The following PAK2 variants were observed in gnomAD, a reference collection of about 807,000 sequenced individuals.
PAK2 encodes the protein serine/threonine-protein kinase PAK 2.
PAK2 carries 21 observed loss-of-function variants against 65.9 expected under a neutral mutation model. That is an observed-to-expected ratio of 0.32 (90% CI 0.23 to 0.46). The LOEUF is 0.46. Among genes scored for constraint, PAK2 ranks in the 20% least tolerant of loss-of-function variants. The probability of loss-of-function intolerance (pLI) is 1.00; values close to 1 mark genes in which losing one functional copy is unlikely to be tolerated. For missense variants in PAK2, 324 were observed against 642.6 expected, an observed-to-expected ratio of 0.50 and a Z score of 5.36; for synonymous variants, 204 against 219.7, an observed-to-expected ratio of 0.93 and a Z score of 0.63.
At chr3:196,757,509 ATTC>A (rs995576023) in intron 1 of PAK2, among the ~76,000 whole-genome samples, 5 of 152,136 alleles carry the variant, frequency 3.3e-5, no homozygotes, top group East Asian at 1.9e-4. Context: ...ACTTAGGCTT[ATTC>A]TTCTTTTCTT....
intron 1 of PAK2, among the ~76,000 whole-genome samples, chr3:196,761,768 G>A (rs1361894619): frequency 1.4e-5 from 2 of 148,134 alleles, no homozygotes; most frequent in African/African-American, 2.5e-5. Flanking sequence ...CGGACGGGGC[G>A]GCTGGCCGGG....
At chr3:196,788,277 A>G (rs544824278) in intron 2 of PAK2, among the ~76,000 whole-genome samples, 1 of 152,338 alleles carries the variant, frequency 6.6e-6, no homozygotes, top group East Asian at 1.9e-4. Context: ...AATGACCTTA[A>G]GACTTTTGCC....
chr3:196,780,285 G>C (rs1405911234), intron 1 of PAK2, among the ~76,000 whole-genome samples: 1 of 152,150 alleles, frequency 6.6e-6, no homozygotes, highest in African/African-American at 2.4e-5. Context: ...CTGTTTTCAT[G>C]CTGCTGATAA....
chr3:196,802,594 C>T (rs1314399630), intron 3 of PAK2, among the ~76,000 whole-genome samples: 1 of 152,128 alleles, frequency 6.6e-6, no homozygotes, highest in Admixed American at 6.5e-5. Context: ...TGTGTAATCC[C>T]AGCACTTTGG....
rs1713555026 is a variant in PAK2, at chr3:196,750,830, C to T, written c.-22+10673C>T. Reference sequence around the variant, plus strand: ...TATGTTTCTGTTATTTTATTTAATGCTTTCTGTTTTTTAATGATTAATTGT... The same window carrying T: ...TATGTTTCTGTTATTTTATTTAATGTTTTCTGTTTTTTAATGATTAATTGT... On this transcript the variant is annotated intron_variant, in intron 1 of 14. Transcript: ENST00000327134. 2.0e-5 allele frequency among the ~76,000 whole-genome samples: 3 copies of T among 148,070 alleles called. No individual in the cohort carries two copies. The South Asian group carries it at 6.3e-4, about 31-fold the overall frequency.
At chr3:196,749,925 G>C (rs1358231064) in intron 1 of PAK2, among the ~76,000 whole-genome samples, 1 of 151,618 alleles carries the variant, frequency 6.6e-6, no homozygotes. Flanking sequence ...AGGCTGAAGC[G>C]ATCTTCTCAC....
chr3:196,781,040 G>A (rs1714694189), intron 1 of PAK2, among the ~76,000 whole-genome samples: 1 of 152,098 alleles, frequency 6.6e-6, no homozygotes, highest in South Asian at 2.1e-4. Flanking sequence ...CACCCGCCTC[G>A]GCCTCCCAAA....
intron 2 of PAK2, among the ~76,000 whole-genome samples, chr3:196,793,084 G>A (rs1028575595): frequency 1.2e-4 from 18 of 152,100 alleles, no homozygotes; most frequent in Non-Finnish European, 2.2e-4. Flanking sequence ...GAGGAGAAGG[G>A]GGATTAGTTG....
chr3:196,806,608 A>C lies in PAK2; in HGVS notation c.498A>C (p.Ala166=). The C allele has an allele frequency of 6.2e-7, 1 of 1,612,786 alleles. No individual in the cohort carries two copies. The highest frequency in any genetic ancestry group is 2.2e-5 in the East Asian group (1 of 44,872). ...ALNAKGTEAP[A]VVTEEEDDDE... is the part of the protein sequence containing the mutation. ...ATGCCAAGGGAACAGAAGCACCCGC[A>C]GTAGTGACAGAGGAGGAGGATGATG... Residue 166 remains alanine, a synonymous_variant, in exon 6 of 15, where the codon GCA becomes GCC. Coordinates refer to ENST00000327134, the MANE Select transcript of PAK2 (RefSeq NM_002577.4).
At chr3:196,750,947 G>A (rs1030234607) in intron 1 of PAK2, among the ~76,000 whole-genome samples, 3 of 151,824 alleles carry the variant, frequency 2.0e-5, no homozygotes, top group Non-Finnish European at 4.4e-5. Context: ...AAGTACTCAC[G>A]TTGTGGTACA....
intron 13 of PAK2, among the ~76,000 whole-genome samples, 156 bp from the exon 14 acceptor site, chr3:196,827,040 A>T (rs1388176392): frequency 2.0e-5 from 3 of 152,238 alleles, no homozygotes; most frequent in Non-Finnish European, 4.4e-5. Context: ...ATAAGAGGAA[A>T]GTATCAAATC....
intron 1 of PAK2, among the ~76,000 whole-genome samples, chr3:196,746,962 G>A (rs1713404399): frequency 6.6e-6 from 1 of 151,706 alleles, no homozygotes; most frequent in Non-Finnish European, 1.5e-5. Flanking sequence ...TTACTATATA[G>A]GTGTGTATAA....
At chr3:196,772,182 G>A (rs1714381204) in intron 1 of PAK2, among the ~76,000 whole-genome samples, 1 of 152,124 alleles carries the variant, frequency 6.6e-6, no homozygotes, top group Non-Finnish European at 1.5e-5. Context: ...ATTCCTGATT[G>A]GTTGTTATGT....
At chr3:196,815,294 C>G (rs931727622) in intron 11 of PAK2, among the ~76,000 whole-genome samples, 4 of 151,368 alleles carry the variant, frequency 2.6e-5, no homozygotes, top group South Asian at 2.1e-4. Context: ...AGTTTTGAGA[C>G]CAGCCTGGGA....
rs1715634826 is a variant in PAK2 at position 196,807,825 on chromosome 3, G to A, written c.620G>A (p.Gly207Asp). The change falls in exon 7 of 15, where the codon GGT (glycine) becomes GAT (aspartate). Residue 207 changes from glycine (G) to aspartate (D), a missense_variant. This residue lies in a region of PAK2 where 183 missense variants were observed against 246.2 expected (regional missense o/e 0.74). Coordinates refer to ENST00000327134, the MANE Select transcript of PAK2 (RefSeq NM_002577.4). ...ATTGACCCTGTTCCTGCACCAGTTG[G>A]TGATTCACATGTTGATGGTGCTGCC... is the stretch of plus-strand genomic sequence containing the variant. ...SVIDPVPAPV[G>D]DSHVDGAAKS... 6.2e-7 allele frequency: 1 copy of A among 1,612,770 alleles called. No individual in the cohort carries two copies. The highest frequency in any genetic ancestry group is 1.1e-5 in the South Asian group (1 of 91,024).
At position 196,805,394 on chromosome 3, in the gene PAK2, T is replaced by C. The variant is rs1577734586; in HGVS notation, c.468+11T>C. ...TCTGGAACACCAGCAGTAAGTTAAT[T>C]ATATTATTTCTTGTATCTCTTGTTC... is the stretch of plus-strand genomic sequence containing the variant. On this transcript the variant is annotated intron_variant, in intron 5 of 14. Coordinates refer to ENST00000327134, the MANE Select transcript of PAK2 (RefSeq NM_002577.4). The C allele has an allele frequency of 2.3e-6, 3 of 1,309,054 alleles. No homozygotes were observed. In the African/African-American group the frequency reaches 4.6e-5, roughly 20 times the overall value. The allele number at this position is 1,309,054 out of a possible 1,614,324, so 81.1% of individuals were successfully genotyped here. A position where few individuals can be genotyped will look rare whatever the true frequency, so the allele number is the denominator to read the frequency against.
chr3:196,800,067 G>A (rs538009992), intron 2 of PAK2, among the ~76,000 whole-genome samples: 2 of 152,264 alleles, frequency 1.3e-5, no homozygotes, highest in East Asian at 1.9e-4. Flanking sequence ...CAGAAAACTC[G>A]GTGTTGTTAA....
At chr3:196,793,200 T>G (rs1348856684) in intron 2 of PAK2, among the ~76,000 whole-genome samples, 1 of 152,122 alleles carries the variant, frequency 6.6e-6, no homozygotes, top group Middle Eastern at 3.2e-3. Context: ...AAGAATAAAC[T>G]GGGATTTACA....
rs563949923 is a variant in PAK2, at chr3:196,830,251, A to G, written c.*1846A>G. 2.5e-4 allele frequency: 38 copies of G among 152,310 alleles called. No homozygotes were observed. The highest frequency in any genetic ancestry group is 6.5e-4 in the Admixed American group (10 of 15,296). 9.4% of individuals were successfully genotyped at this position (152,310 alleles called of 1,614,324 possible). On this transcript the variant is annotated 3_prime_UTR_variant, in exon 15 of 15. Transcript: ENST00000327134. ...AAATGAGTAAAATAATTAATGAAAC[A>G]TATTTAGAGCACTTAATGGTCTCTG...
Sources: gnomAD v4.1 joint callset for allele counts (sites outside exome capture counted in the v4.1 genomes callset) on GRCh38, gnomAD v4.1.1 for gene constraint, gnomAD v4.1.1 regional missense constraint, MANE v1.5 for transcripts, NCBI Gene and HGNC (gene_info 2026-07-23, HGNC 2026-07-21) for gene names.